WDPCP: variants seen among roughly 807,000 people sequenced by gnomAD.
WDPCP encodes the protein WD repeat-containing and planar cell polarity effector protein fritz homolog.
In WDPCP, 71 loss-of-function variants were observed where a neutral mutation model predicts 93.1. The observed-to-expected ratio is 0.76, with a 90% confidence interval of 0.63 to 0.93. WDPCP has a LOEUF of 0.93. Ranked by LOEUF, WDPCP falls within the 40% of genes least tolerant of loss-of-function variation. WDPCP has a pLI of 0.00. For missense variants in WDPCP, 844 were observed against 887.4 expected (o/e 0.95, Z 0.62); for synonymous variants, 315 against 315.0 (o/e 1.00, Z 0.00).
intron 4 of WDPCP, among the ~76,000 whole-genome samples, chr2:63,485,774 A>G (rs1700539214): frequency 6.6e-6 from 1 of 151,762 alleles, no homozygotes; most frequent in Non-Finnish European, 1.5e-5. Context: ...AATAATTCTA[A>G]ATGAGTTATA....
At chr2:63,573,563 A>T (rs188383381) in intron 1 of WDPCP, among the ~76,000 whole-genome samples, 1 of 152,236 alleles carries the variant, frequency 6.6e-6, no homozygotes, top group African/African-American at 2.4e-5. Flanking sequence ...TCATCTTCGT[A>T]AGCTGAGGAG....
At chr2:63,624,820 A>C (rs1558869555) in intron 3 of WDPCP, among the ~76,000 whole-genome samples, 1 of 152,244 alleles carries the variant, frequency 6.6e-6, no homozygotes, top group South Asian at 2.1e-4. Context: ...CGCTTCCCTA[A>C]CTCATTTTAT....
At chr2:63,763,501 C>CAA (rs746333217) in intron 2 of WDPCP, among the ~76,000 whole-genome samples, 21 of 65,330 alleles carry the variant, frequency 3.2e-4, no homozygotes, top group Non-Finnish European at 4.3e-4. Context: ...GACTTTGTCT[C>CAA]AAAAAAAAAA....
At chr2:63,528,090 G>C (rs913832099) in intron 1 of WDPCP, among the ~76,000 whole-genome samples, 3 of 150,598 alleles carry the variant, frequency 2.0e-5, no homozygotes, top group Non-Finnish European at 4.5e-5. Context: ...TTGTAAATTT[G>C]AGTTCTTTGT....
At chr2:63,516,778 T>C (rs1025879286) in intron 1 of WDPCP, among the ~76,000 whole-genome samples, 1 of 152,076 alleles carries the variant, frequency 6.6e-6, no homozygotes, top group African/African-American at 2.4e-5. Context: ...GGTTTTTTTT[T>C]AAAGTTCTGA....
At chr2:63,296,601 A>C (rs1385106576) in intron 13 of WDPCP, among the ~76,000 whole-genome samples, 1 of 152,208 alleles carries the variant, frequency 6.6e-6, no homozygotes, top group Non-Finnish European at 1.5e-5. Flanking sequence ...GTAAATTTCC[A>C]AATACAAAAT....
At chr2:63,464,035 A>G (rs771591715) in intron 6 of WDPCP, among the ~76,000 whole-genome samples, 1 of 152,178 alleles carries the variant, frequency 6.6e-6, no homozygotes, top group African/African-American at 2.4e-5. Context: ...ATCAAACTTA[A>G]AAACCTTTAG....
chr2:63,249,962 C>T (rs929137702), intron 14 of WDPCP, among the ~76,000 whole-genome samples: 9 of 152,136 alleles, frequency 5.9e-5, no homozygotes, highest in Non-Finnish European at 1.0e-4. Flanking sequence ...TTTCTGTTTC[C>T]TTCTTCACAA....
At chr2:63,516,571 T>G (rs1290312736) in intron 1 of WDPCP, among the ~76,000 whole-genome samples, 1 of 152,076 alleles carries the variant, frequency 6.6e-6, no homozygotes, top group Non-Finnish European at 1.5e-5. Context: ...GAAGCCCATG[T>G]GAAGAGGAGG....
intron 17 of WDPCP, among the ~76,000 whole-genome samples, chr2:63,151,445 G>A (rs1168801678): frequency 2.0e-5 from 3 of 152,124 alleles, no homozygotes; most frequent in African/African-American, 7.2e-5. Flanking sequence ...GGCTGGTCTC[G>A]AACTCCTGGG....
intron 5 of WDPCP, 87 bp downstream of exon 5, chr2:63,484,830 T>G (rs760334328): frequency 2.0e-6 from 3 of 1,517,484 alleles, no homozygotes; most frequent in South Asian, 2.3e-5. Context: ...ACCATGAGAG[T>G]TGATCCTTTA....
intron 14 of WDPCP, among the ~76,000 whole-genome samples, chr2:63,215,809 C>T (rs1201431334): frequency 6.6e-6 from 1 of 152,192 alleles, no homozygotes; most frequent in Non-Finnish European, 1.5e-5. Context: ...GCAATCTACT[C>T]ATCTGACAAA....
At chr2:63,588,938 C>A, upstream of WDPCP, 1 of 1,540,936 alleles carries the variant, frequency 6.5e-7, no homozygotes. Context: ...GGAGCCTTTT[C>A]TCGCTAACAC....
intron 14 of WDPCP, among the ~76,000 whole-genome samples, chr2:63,239,591 A>T (rs1679699877): frequency 6.6e-6 from 1 of 152,174 alleles, no homozygotes; most frequent in South Asian, 2.1e-4. Context: ...AATTGATATA[A>T]ATTCTGACAT....
intron 6 of WDPCP, among the ~76,000 whole-genome samples, chr2:63,474,891 A>T (rs1381522626): frequency 6.6e-6 from 1 of 152,180 alleles, no homozygotes; most frequent in Non-Finnish European, 1.5e-5. Flanking sequence ...TCTGCACAGT[A>T]AAAAGATAAA....
intron 1 of WDPCP, among the ~76,000 whole-genome samples, chr2:63,562,128 C>T (rs1706673477): frequency 6.6e-6 from 1 of 152,144 alleles, no homozygotes; most frequent in African/African-American, 2.4e-5. Context: ...TCCAAATGCC[C>T]ATCAATGATA....
chr2:63,135,718 A>G (rs963180308), intron 17 of WDPCP, among the ~76,000 whole-genome samples: 1 of 151,554 alleles, frequency 6.6e-6, no homozygotes, highest in Non-Finnish European at 1.5e-5. Flanking sequence ...GAATATGAAC[A>G]AGGAAATTAA....
At chr2:63,780,853 T>TG (rs1670381512) in intron 2 of WDPCP, among the ~76,000 whole-genome samples, 1 of 152,194 alleles carries the variant, frequency 6.6e-6, no homozygotes, top group Non-Finnish European at 1.5e-5. Flanking sequence ...GATTCCAGTG[T>TG]AATGAAGCCC....
chr2:63,316,779 G>C (rs1358979111), intron 12 of WDPCP, among the ~76,000 whole-genome samples: 1 of 152,112 alleles, frequency 6.6e-6, no homozygotes, highest in Non-Finnish European at 1.5e-5. Context: ...CAGATGATAA[G>C]ATTCTATACC....
Sources: allele counts gnomAD v4.1 joint callset (sites outside exome capture counted in the v4.1 genomes callset), GRCh38; gene constraint gnomAD v4.1.1; transcripts MANE v1.5; gene names NCBI Gene and HGNC (gene_info 2026-07-23, HGNC 2026-07-21).